ARSL: variants seen among roughly 807,000 people sequenced by gnomAD.
The protein encoded by ARSL is arylsulfatase L, also known as arylsulfatase E (chondrodysplasia punctata 1).
ARSL carries 4 observed loss-of-function variants against 31.1 expected under a neutral mutation model. That is an observed-to-expected ratio of 0.13 (90% CI 0.06 to 0.29). The LOEUF (loss-of-function observed/expected upper bound fraction) is 0.29. Among genes scored for constraint, ARSL ranks in the 10% least tolerant of loss-of-function variants. ARSL has a pLI of 1.00. For missense variants in ARSL, 312 were observed against 497.8 expected, an observed-to-expected ratio of 0.63 and a Z score of 3.55; for synonymous variants, 198 against 209.9, an observed-to-expected ratio of 0.94 and a Z score of 0.49.
chrX:2,949,855 G>A (rs990568252), intron 5 of ARSL, 128 bp from the exon 6 acceptor site: 7 of 777,573 alleles, frequency 9.0e-6, no homozygotes, highest in Non-Finnish European at 1.3e-5. Flanking sequence ...AAAGAAGTGT[G>A]GGCAGCATTA....
chrX:2,960,883 A>G (rs776150858), intron 1 of ARSL, among the ~76,000 whole-genome samples: 12 of 111,623 alleles, frequency 1.1e-4, no homozygotes, highest in Admixed American at 2.9e-4. Context: ...CAAAGCTTGG[A>G]TGATACACAA....
At chrX:2,951,657 C>T (rs765729807) in intron 5 of ARSL, among the ~76,000 whole-genome samples, 3 of 105,179 alleles carry the variant, frequency 2.9e-5, no homozygotes, top group Admixed American at 2.1e-4. Flanking sequence ...AAAAATTAAC[C>T]GGGCATGGTG....
rs1229780400 is a variant in ARSL at position 2,964,245 on chromosome X, T to C, written c.-42A>G. The C allele has an allele frequency of 4.0e-6, 3 of 752,568 alleles. No homozygotes were observed. The highest frequency in any genetic ancestry group is 3.1e-6 in the Non-Finnish European group (2 of 639,141). 62.0% of individuals were successfully genotyped at this position (752,568 alleles called of 1,213,427 possible). The stretch of plus-strand genomic sequence containing the variant: ...TCACCTCTGCTCCTGGGCTCCTTCC[T>C]GAATCCCCGATCAAGAAGAGGAAGG... On this transcript the variant is annotated 5_prime_UTR_variant, in exon 1 of 11. Transcript: ENST00000381134.
intron 1 of ARSL, among the ~76,000 whole-genome samples, chrX:2,961,104 G>C (rs756177884): frequency 9.0e-5 from 10 of 110,919 alleles, no homozygotes; most frequent in African/African-American, 3.3e-4. Flanking sequence ...ATGAAGGAGA[G>C]ACGCATTCGC....
chrX:2,943,741 CAAAAAAAAAAAA>C (rs63205261), intron 7 of ARSL, among the ~76,000 whole-genome samples: 3 of 13,730 alleles, frequency 2.2e-4, no homozygotes, highest in Non-Finnish European at 3.9e-4. Context: ...GACTCGGTCT[CAAAAAAAAAAAA>C]AAAAAAAAAA....
chrX:2,960,311 A>G, intron 2 of ARSL, 67 bp downstream of exon 2: 1 of 610,871 alleles, frequency 1.6e-6, no homozygotes, highest in Non-Finnish European at 2.5e-6. Flanking sequence ...AAAGAAGGGA[A>G]GGAAGGAAGA....
At chrX:2,960,136 GCA>G (rs2089594113) in intron 2 of ARSL, among the ~76,000 whole-genome samples, 5 of 88,429 alleles carry the variant, frequency 5.7e-5, no homozygotes, top group Middle Eastern at 5.1e-3. Context: ...GGGCGTGGTG[GCA>G]GGCGCCTGTA....
chrX:2,950,517 T>C (rs2089446953), intron 5 of ARSL, among the ~76,000 whole-genome samples: 1 of 111,364 alleles, frequency 9.0e-6, no homozygotes, highest in African/African-American at 3.3e-5. Context: ...GTGGAGATAA[T>C]TGAATCATGG....
intron 10 of ARSL, among the ~76,000 whole-genome samples, chrX:2,935,716 CAG>C (rs2089191747): frequency 1.1e-5 from 1 of 94,473 alleles, no homozygotes; most frequent in Non-Finnish European, 2.1e-5. Flanking sequence ...TTATTTGAGA[CAG>C]AGTCTTGCTC....
At chrX:2,960,277 A>T in intron 2 of ARSL, 101 bp downstream of exon 2, 1 of 413,789 alleles carries the variant, frequency 2.4e-6, no homozygotes, top group Non-Finnish European at 3.7e-6. Flanking sequence ...TCAAAAAAAA[A>T]AAAAAAAAAA....
intron 2 of ARSL, chrX:2,959,873 T>G: frequency 2.8e-6 from 1 of 359,957 alleles, no homozygotes; most frequent in Non-Finnish European, 4.5e-6. Flanking sequence ...TTGAGCAACA[T>G]GGTGAGACCC....
At chrX:2,967,714 G>T (rs576091133), upstream of ARSL, among the ~76,000 whole-genome samples, 1 of 112,478 alleles carries the variant, frequency 8.9e-6, no homozygotes, top group South Asian at 3.7e-4. Flanking sequence ...ATTCTCTTCC[G>T]GGGAGAAGGA....
chrX:2,965,817 C>T (rs1388323756), upstream of ARSL, among the ~76,000 whole-genome samples: 2 of 112,033 alleles, frequency 1.8e-5, no homozygotes, highest in Non-Finnish European at 3.8e-5. Flanking sequence ...AGGAGAATCG[C>T]TTGAACCCGG....
At position 2,934,624 on chromosome X, in the gene ARSL, T is replaced by C. The variant is rs1210948675; in HGVS notation, c.*208A>G. On this transcript the variant is annotated 3_prime_UTR_variant, in exon 11 of 11. Coordinates refer to ENST00000381134, the MANE Select transcript of ARSL (RefSeq NM_000047.3). ...CTGAGAAGCTAGAACTACAGGCGTGTGCCACCATGCAGGCTAATTTTTTTT... is the reference window on the plus strand; with the variant it reads ...CTGAGAAGCTAGAACTACAGGCGTGCGCCACCATGCAGGCTAATTTTTTTT... 3.7e-5 allele frequency: 15 copies of C among 403,958 alleles called. No homozygotes were observed. In the African/African-American group the frequency reaches 3.8e-4, roughly 10 times the overall value. 33.3% of individuals were successfully genotyped at this position (403,958 alleles called of 1,213,427 possible). A position where few individuals can be genotyped will look rare whatever the true frequency, so the allele number is the denominator to read the frequency against.
intron 6 of ARSL, among the ~76,000 whole-genome samples, chrX:2,948,968 G>A (rs2089422636): frequency 9.2e-6 from 1 of 108,964 alleles, no homozygotes; most frequent in Non-Finnish European, 1.9e-5. Context: ...TGTCACCCAG[G>A]CTGGAGTGCA....
In ARSL at chrX:2,946,131, A is replaced by C; in HGVS notation, c.858T>G (p.Asn286Lys). 1 of 1,210,027 alleles carries C rather than the reference A, an allele frequency of 8.3e-7. No homozygotes were observed. The highest frequency in any genetic ancestry group is 1.1e-6 in the Non-Finnish European group (1 of 894,686). ...CAAAGAGGAGGAAAGGCCCATGCTT[A>C]TTCCTAAAAATAAATACGAAGCAAT... ...LQEVASFLKR[N>K]KHGPFLLFVS... Residue 286 changes from asparagine (N) to lysine (K), a missense_variant, in exon 7 of 11, where the codon AAT becomes AAG. Transcript: ENST00000381134.
intron 8 of ARSL, among the ~76,000 whole-genome samples, chrX:2,942,168 G>T (rs1337222276): frequency 8.9e-6 from 1 of 112,037 alleles, no homozygotes; most frequent in South Asian, 3.7e-4. Context: ...ACCCTTTTAG[G>T]ATTAAACAAG....
In ARSL at chrX:2,943,138, C is replaced by A; in HGVS notation, c.1053G>T (p.Thr351=). The change falls in exon 8 of 11, where the codon ACG becomes ACT. Residue 351 remains threonine, a synonymous_variant. Coordinates refer to ENST00000381134, the MANE Select transcript of ARSL (RefSeq NM_000047.3). ...GLSNSTLIYF[T]SDHGGSLENQ... The stretch of plus-strand genomic sequence containing the variant: ...TCTCTAGGGAACCGCCGTGATCCGA[C>A]GTAAAATAAATGAGGGTGCTGTTGC... 1 of 1,210,992 alleles carries A rather than the reference C, an allele frequency of 8.3e-7. No homozygotes were observed. The highest frequency in any genetic ancestry group is 1.1e-6 in the Non-Finnish European group (1 of 895,284).
upstream of ARSL, among the ~76,000 whole-genome samples, chrX:2,966,811 G>GTTATAATATAAATA (rs2089703175): frequency 9.2e-6 from 1 of 109,044 alleles, no homozygotes; most frequent in Non-Finnish European, 1.9e-5. Flanking sequence ...GTTATAATAT[G>GTTATAATATAAATA]CACGTATAAA....
Sources: gnomAD v4.1 joint callset for allele counts (sites outside exome capture counted in the v4.1 genomes callset) on GRCh38, gnomAD v4.1.1 for gene constraint, MANE v1.5 for transcripts, NCBI Gene and HGNC (gene_info 2026-07-23, HGNC 2026-07-21) for gene names.